The following CDK8 variants were observed in gnomAD, a reference collection of about 807,000 sequenced individuals.
CDK8 encodes the protein cyclin-dependent kinase 8.
CDK8 carries 29 observed loss-of-function variants against 71.5 expected under a neutral mutation model. The ratio of observed to expected loss-of-function variants is 0.41; its 90% CI spans 0.30 to 0.55. The LOEUF (loss-of-function observed/expected upper bound fraction) is 0.55. Among genes scored for constraint, CDK8 ranks in the 20% least tolerant of loss-of-function variants. CDK8 has a pLI of 0.37. For synonymous variants in CDK8, 161 were observed against 192.1 expected (o/e 0.84, Z 1.34); for missense variants, 288 against 572.6 (o/e 0.50, Z 5.07).
intron 3 of CDK8, among the ~76,000 whole-genome samples, chr13:26,352,430 A>G (rs1873720964): frequency 6.6e-6 from 1 of 151,990 alleles, no homozygotes; most frequent in African/African-American, 2.4e-5. Flanking sequence ...GTTAGCCAGG[A>G]TGGTCTTGAT....
At chr13:26,257,670 T>G (rs1285873280) in intron 1 of CDK8, among the ~76,000 whole-genome samples, 1 of 152,172 alleles carries the variant, frequency 6.6e-6, no homozygotes, top group Non-Finnish European at 1.5e-5. Flanking sequence ...CTAATTTTGT[T>G]TTAAAGAGTA....
intron 6 of CDK8, among the ~76,000 whole-genome samples, chr13:26,385,574 A>G (rs1875437082): frequency 1.3e-5 from 2 of 152,098 alleles, no homozygotes; most frequent in African/African-American, 4.8e-5. Flanking sequence ...TGTCTCTACA[A>G]AAATTTTTAA....
intron 1 of CDK8, among the ~76,000 whole-genome samples, chr13:26,270,758 C>G (rs916703216): frequency 6.6e-6 from 1 of 152,146 alleles, no homozygotes; most frequent in Non-Finnish European, 1.5e-5. Flanking sequence ...GTTCTTTCTA[C>G]TTTTTGGTTG....
chr13:26,276,424 A>G lies in CDK8; in HGVS notation c.128+21655A>G, dbSNP rs2137879071. On this transcript the variant is annotated intron_variant, in intron 1 of 12. Coordinates refer to ENST00000381527, the MANE Select transcript of CDK8 (RefSeq NM_001260.3). ...GCTCTTGAGCTTGAGCAGTTCATTC[A>G]GTCTCTCTGAGCACTTCTGATTTTT... is the stretch of plus-strand genomic sequence containing the variant. Among the ~76,000 whole-genome samples the G allele has an allele frequency of 1.3e-5, 2 of 152,334 alleles. 1 individual carries two copies. The highest frequency in any genetic ancestry group is 4.1e-4 in the South Asian group (2 of 4,824).
intron 1 of CDK8, among the ~76,000 whole-genome samples, chr13:26,288,718 AC>A (rs1483856978): frequency 2.0e-5 from 3 of 151,864 alleles, no homozygotes; most frequent in Non-Finnish European, 4.4e-5. Context: ...ACATGGTATA[AC>A]CCCCATTTAT....
At chr13:26,388,662 T>C (rs17083979) in intron 6 of CDK8, among the ~76,000 whole-genome samples, 6,399 of 152,294 alleles carry the variant, frequency 0.042, 428 homozygotes, top group African/African-American at 0.14. Context: ...TTATTTTTCC[T>C]GAGAAGCTTA....
intron 1 of CDK8, among the ~76,000 whole-genome samples, chr13:26,260,398 G>A (rs1566460714): frequency 6.6e-6 from 1 of 152,062 alleles, no homozygotes; most frequent in Admixed American, 6.5e-5. Context: ...GAAATCCAGG[G>A]GTCTGATTTA....
chr13:26,285,081 A>G (rs1443074083), intron 1 of CDK8, among the ~76,000 whole-genome samples: 1 of 152,196 alleles, frequency 6.6e-6, no homozygotes, highest in Non-Finnish European at 1.5e-5. Context: ...TCTACTAAAA[A>G]TACAAAAGTT....
intron 1 of CDK8, among the ~76,000 whole-genome samples, chr13:26,277,875 G>C (rs537693154): frequency 3.9e-5 from 6 of 152,312 alleles, no homozygotes; most frequent in Admixed American, 6.5e-5. Flanking sequence ...CAAGGGGGCA[G>C]CATAAGCATA....
At position 26,277,830 on chromosome 13, in the gene CDK8, G is replaced by A. The variant is rs1872611042; in HGVS notation, c.128+23061G>A. 5.9e-5 allele frequency among the ~76,000 whole-genome samples: 9 copies of A among 152,280 alleles called. No individual in the cohort carries two copies. The South Asian group carries it at 1.9e-3, about 32-fold the overall frequency. The stretch of plus-strand genomic sequence containing the variant: ...TAGATTCGTATTTAGTTACTAAATG[G>A]AATTAAGCTATTTTAAGCCTTCTGA... On this transcript the variant is annotated intron_variant, in intron 1 of 12. Transcript: ENST00000381527.
chr13:26,278,905 A>G (rs547808573), intron 1 of CDK8, among the ~76,000 whole-genome samples: 39 of 152,272 alleles, frequency 2.6e-4, no homozygotes, highest in African/African-American at 9.4e-4. Flanking sequence ...AATTATTTAC[A>G]TAGTATTTAC....
intron 2 of CDK8, among the ~76,000 whole-genome samples, chr13:26,339,758 T>A (rs1303653498): frequency 1.9e-3 from 271 of 139,864 alleles, no homozygotes; most frequent in Admixed American, 3.3e-3. Context: ...AAAAAAAAAA[T>A]ATATATATAT....
rs574687827 is a variant in CDK8 at position 26,339,366 on chromosome 13, T to C, written c.204+1724T>C. On this transcript the variant is annotated intron_variant, in intron 2 of 12. Coordinates refer to ENST00000381527, the MANE Select transcript of CDK8 (RefSeq NM_001260.3). ...AGCATCATTTTTGGAAAACATCCTTTGCCATAGAATTCCTTTGGCACCTTT... is the reference window on the plus strand; with the variant it reads ...AGCATCATTTTTGGAAAACATCCTTCGCCATAGAATTCCTTTGGCACCTTT... Among the ~76,000 whole-genome samples, 26 of 152,220 alleles carry C rather than the reference T, an allele frequency of 1.7e-4. No individual in the cohort carries two copies. In the South Asian group the frequency reaches 2.5e-3, roughly 15 times the overall value.
At chr13:26,310,867 A>T (rs537030984) in intron 1 of CDK8, among the ~76,000 whole-genome samples, 1 of 152,110 alleles carries the variant, frequency 6.6e-6, no homozygotes, top group East Asian at 1.9e-4. Context: ...AAATCTCTCC[A>T]TTGGCTTTGC....
intron 4 of CDK8, among the ~76,000 whole-genome samples, chr13:26,355,835 C>A (rs1460640764): frequency 1.3e-5 from 2 of 152,030 alleles, no homozygotes; most frequent in African/African-American, 4.8e-5. Context: ...GCTAAGATAG[C>A]TCTACATTTT....
rs150678094 is a variant in CDK8, at chr13:26,289,124, G to A, written c.128+34355G>A. Among the ~76,000 whole-genome samples the A allele has an allele frequency of 7.2e-3, 1,051 of 145,066 alleles. 16 individuals are homozygous for A. Among genetic ancestry groups the A allele is most frequent in the African/African-American group, 0.027 (1,006 of 37,858 alleles). ...GGCCGGAATGCAGTGGTGTGATCTC[G>A]GCTTACTGCAACCTCTGCCTTCCGG... On this transcript the variant is annotated intron_variant, in intron 1 of 12. Transcript: ENST00000381527.
At chr13:26,300,259 A>G (rs1373152574) in intron 1 of CDK8, among the ~76,000 whole-genome samples, 1 of 152,088 alleles carries the variant, frequency 6.6e-6, no homozygotes, top group Non-Finnish European at 1.5e-5. Flanking sequence ...CATATAAACT[A>G]TTAATATATT....
chr13:26,307,068 C>A (rs1874079000), intron 1 of CDK8, among the ~76,000 whole-genome samples: 1 of 152,144 alleles, frequency 6.6e-6, no homozygotes, highest in African/African-American at 2.4e-5. Flanking sequence ...ACATAATGAG[C>A]ACCTTTATCC....
At chr13:26,362,218 TGATAGATGGATG>T (rs1363672148) in intron 4 of CDK8, among the ~76,000 whole-genome samples, 128 of 137,426 alleles carry the variant, frequency 9.3e-4, no homozygotes, top group African/African-American at 2.6e-3. Flanking sequence ...GGATGATAGA[TGATAGATGGATG>T]GATGGATGGA....
Sources: gnomAD v4.1 joint callset for allele counts (sites outside exome capture counted in the v4.1 genomes callset) on GRCh38, gnomAD v4.1.1 for gene constraint, MANE v1.5 for transcripts, NCBI Gene and HGNC (gene_info 2026-07-23, HGNC 2026-07-21) for gene names.